ZNF738: variants seen among roughly 807,000 people sequenced by gnomAD.
The protein encoded by ZNF738 is zinc finger protein 738, also known as protein ZNF738.
ZNF738 carries 10 observed loss-of-function variants against 9.2 expected under a neutral mutation model. That is an observed-to-expected ratio of 1.09 (90% CI 0.67 to 1.85). ZNF738 has a LOEUF of 1.85. Ranked by LOEUF, ZNF738 falls within the 40% of genes most tolerant of loss-of-function variation. ZNF738 has a pLI of 0.00. For synonymous variants in ZNF738, 113 were observed against 94.5 expected (o/e 1.20, Z -1.14); for missense variants, 346 against 283.6 (o/e 1.22, Z -1.58).
chr19:21,371,793 A>G (rs1287081701), intron 2 of ZNF738, among the ~76,000 whole-genome samples: 1 of 152,034 alleles, frequency 6.6e-6, no homozygotes, highest in African/African-American at 2.4e-5. Context: ...TGTTTCTTTT[A>G]CTTTTCTAAG....
chr19:21,363,343 G>C (rs1973725104), intron 2 of ZNF738, among the ~76,000 whole-genome samples: 1 of 152,256 alleles, frequency 6.6e-6, no homozygotes, highest in Non-Finnish European at 1.5e-5. Context: ...CTTATATTGA[G>C]ACTGTAAAAG....
Position 21,361,666 on chromosome 19 carries a change from G to A in ZNF738, c.4-100G>A, listed in dbSNP as rs1438813368. On this transcript the variant is annotated intron_variant, in intron 1 of 4. Transcript: ENST00000683779. The stretch of plus-strand genomic sequence containing the variant: ...CACCGTTTAGTTTTTTCCCGGTCCT[G>A]GGTTTCAGTATTATCTGGGGATAAA... 29 of 715,436 alleles carry A rather than the reference G, an allele frequency of 4.1e-5. No homozygotes were observed. In the Admixed American group the frequency reaches 5.7e-4, roughly 14 times the overall value. 44.3% of individuals were successfully genotyped at this position (715,436 alleles called of 1,614,324 possible).
intron 2 of ZNF738, chr19:21,372,884 C>T (rs1973874337): frequency 1.3e-5 from 2 of 152,154 alleles, no homozygotes; most frequent in African/African-American, 2.4e-5. Flanking sequence ...ACATTGCTGC[C>T]TTCTGTGTCC....
chr19:21,363,885 TAAA>T (rs71176862), intron 2 of ZNF738, among the ~76,000 whole-genome samples: 81,667 of 141,200 alleles, frequency 0.58, 23,216 homozygotes, highest in Middle Eastern at 0.72. Flanking sequence ...AGACTCCATT[TAAA>T]AAAAAAAAAA....
Position 21,386,546 on chromosome 19 carries a change from C to G in ZNF738, c.*2872C>G. The stretch of plus-strand genomic sequence containing the variant: ...AAAGCTTTTAACCAGTCCTACAAAC[C>G]TTTTTGAACAAAATAATTCATACAG... On this transcript the variant is annotated 3_prime_UTR_variant, in exon 5 of 5. Coordinates refer to ENST00000683779, the MANE Select transcript of ZNF738 (RefSeq NM_001355237.2). The G allele has an allele frequency of 2.8e-6, 1 of 357,694 alleles. No individual in the cohort carries two copies. Among genetic ancestry groups the G allele is most frequent in the Non-Finnish European group, 5.7e-6 (1 of 175,164 alleles). The allele number at this position is 357,694 out of a possible 1,614,324, so 22.2% of individuals were successfully genotyped here. A position where few individuals can be genotyped will look rare whatever the true frequency, so the allele number is the denominator to read the frequency against.
chr19:21,362,607 T>C (rs1437084506), intron 2 of ZNF738, among the ~76,000 whole-genome samples: 3 of 152,188 alleles, frequency 2.0e-5, no homozygotes, highest in Admixed American at 6.5e-5. Flanking sequence ...TGTTCACTTA[T>C]TTTCACCTGT....
chr19:21,367,967 A>T (rs918214329), intron 2 of ZNF738, among the ~76,000 whole-genome samples: 8 of 152,212 alleles, frequency 5.3e-5, no homozygotes, highest in Non-Finnish European at 8.8e-5. Flanking sequence ...ATTATGGAGC[A>T]CCTGTTCATA....
In ZNF738 at chr19:21,384,097, G is replaced by A; in HGVS notation, c.*423G>A. ...AAACCCTACAAATGTGAAGAATGTG[G>A]CAAAGCTTTCTACCGATTATCTTAT... On this transcript the variant is annotated 3_prime_UTR_variant, in exon 5 of 5. Coordinates refer to ENST00000683779, the MANE Select transcript of ZNF738 (RefSeq NM_001355237.2). 3 of 1,554,708 alleles carry A rather than the reference G, an allele frequency of 1.9e-6. No individual in the cohort carries two copies. Among genetic ancestry groups the A allele is most frequent in the Non-Finnish European group, 2.7e-6 (3 of 1,130,306 alleles).
Position 21,359,028 on chromosome 19 carries a change from C to T in ZNF738, c.-113C>T, listed in dbSNP as rs1230486808. 11 of 787,534 alleles carry T rather than the reference C, an allele frequency of 1.4e-5. No homozygotes were observed. The highest frequency in any genetic ancestry group is 1.6e-5 in the Non-Finnish European group (7 of 433,566). 48.8% of individuals were successfully genotyped at this position (787,534 alleles called of 1,614,324 possible). ...TTTGGCTGCCGCTGGAACTCCGGGT[C>T]TCGTCTTCACTGCTCTGTGTCCTCT... is the stretch of plus-strand genomic sequence containing the variant. On this transcript the variant is annotated 5_prime_UTR_variant, in exon 1 of 5. Transcript: ENST00000683779.
In ZNF738 at chr19:21,368,299, GTTC is replaced by G. The variant is rs548182268; in HGVS notation, c.96+6444_96+6446del. ...GACTGTTCCTTCTTTATGTCCATGT[GTTC>G]TTATTATTTAGCTCTTCCTTATAAA... On this transcript the variant is annotated intron_variant, in intron 2 of 4. Coordinates refer to ENST00000683779, the MANE Select transcript of ZNF738 (RefSeq NM_001355237.2). 4.0e-5 allele frequency among the ~76,000 whole-genome samples: 6 copies of G among 151,730 alleles called. No individual in the cohort carries two copies. The South Asian group carries it at 1.2e-3, about 32-fold the overall frequency.
At chr19:21,372,502 A>G (rs1183230301) in intron 2 of ZNF738, 1 of 152,212 alleles carries the variant, frequency 6.6e-6, no homozygotes, top group Non-Finnish European at 1.5e-5. Context: ...CCAAAAGCAG[A>G]TACATAAGAA....
Position 21,383,058 on chromosome 19 carries a change from C to T in ZNF738, c.512C>T (p.Thr171Ile). The change falls in exon 5 of 5, where the codon ACC becomes ATC. Residue 171 changes from threonine (T) to isoleucine (I), a missense_variant. Transcript: ENST00000683779. ...YNELKEYLTT[T>I]QSKIFQCDKY... Reference sequence around the variant, plus strand: ...GAACTAAAAGAGTATTTGACAACTACCCAGAGCAAAATATTTCAATGTGAT... The same window carrying T: ...GAACTAAAAGAGTATTTGACAACTATCCAGAGCAAAATATTTCAATGTGAT... The T allele has an allele frequency of 8.7e-7, 1 of 1,150,276 alleles. No homozygotes were observed. The highest frequency in any genetic ancestry group is 1.2e-5 in the South Asian group (1 of 81,026). 71.3% of individuals were successfully genotyped at this position (1,150,276 alleles called of 1,614,324 possible).
At chr19:21,377,334 C>T in intron 4 of ZNF738, 2 of 622,456 alleles carry the variant, frequency 3.2e-6, no homozygotes, top group Non-Finnish European at 5.7e-6. Flanking sequence ...ATTATACTGC[C>T]TTCAGTTCCT....
intron 2 of ZNF738, among the ~76,000 whole-genome samples, chr19:21,370,202 A>G (rs1973839660): frequency 6.6e-6 from 1 of 152,226 alleles, no homozygotes; most frequent in African/African-American, 2.4e-5. Context: ...TATTAATTGT[A>G]TGTTGAACCA....
intron 4 of ZNF738, chr19:21,377,488 A>G (rs1187043501): frequency 2.9e-6 from 2 of 695,900 alleles, no homozygotes; most frequent in East Asian, 5.4e-5. Context: ...CCTTAGTGTG[A>G]CATACACACA....
intron 2 of ZNF738, among the ~76,000 whole-genome samples, chr19:21,364,146 G>A (rs1300992092): frequency 2.3e-5 from 3 of 130,410 alleles, no homozygotes; most frequent in Admixed American, 9.1e-5. Context: ...GCAGTGAGCC[G>A]AGATCATGCC....
At chr19:21,378,445 TTTC>T (rs1386642899) in intron 4 of ZNF738, 1 of 171,328 alleles carries the variant, frequency 5.8e-6, no homozygotes, top group African/African-American at 2.4e-5. Context: ...TGAAGTTTGT[TTTC>T]TTTTTATTTA....
At chr19:21,360,549 T>A (rs2061917) in intron 1 of ZNF738, 91,587 of 151,968 alleles carry the variant, frequency 0.6, 28,406 homozygotes, top group African/African-American at 0.76. Flanking sequence ...CGCCTCCCGG[T>A]TTTAAACAAT....
intron 4 of ZNF738, among the ~76,000 whole-genome samples, chr19:21,382,539 A>G (rs1437108271): frequency 6.6e-6 from 1 of 152,086 alleles, no homozygotes; most frequent in African/African-American, 2.4e-5. Context: ...ATCTGGGGCA[A>G]TTTACTTCTA....
Sources: allele counts gnomAD v4.1 joint callset (sites outside exome capture counted in the v4.1 genomes callset), GRCh38; gene constraint gnomAD v4.1.1; transcripts MANE v1.5; gene names NCBI Gene and HGNC (gene_info 2026-07-23, HGNC 2026-07-21).